The following MAPK4 variants were observed in gnomAD, a reference collection of about 807,000 sequenced individuals.
The protein encoded by MAPK4 is mitogen-activated protein kinase 4.
MAPK4 carries 22 observed loss-of-function variants against 47.7 expected under a neutral mutation model. The observed-to-expected ratio is 0.46, with a 90% CI of 0.33 to 0.66. The LOEUF is 0.66. MAPK4 is among the 30% of genes least tolerant of loss of function. The probability of loss-of-function intolerance (pLI) is 0.02; values close to 1 mark genes in which losing one functional copy is unlikely to be tolerated. For missense variants in MAPK4, 736 were observed against 831.7 expected, an observed-to-expected ratio of 0.88 and a Z score of 1.42; for synonymous variants, 390 against 365.7, an observed-to-expected ratio of 1.07 and a Z score of -0.76.
rs1328906131 is a variant in MAPK4, at chr18:50,678,543, A to G, written c.546+14039A>G. Among the ~76,000 whole-genome samples the G allele has an allele frequency of 3.9e-5, 6 of 152,194 alleles. No homozygotes were observed. In the South Asian group the frequency reaches 1.0e-3, roughly 26 times the overall value. On this transcript the variant is annotated intron_variant, in intron 2 of 5. Coordinates refer to ENST00000400384, the MANE Select transcript of MAPK4 (RefSeq NM_002747.4). This position sits in a 1 kb window ranked among gnomAD's most constrained non-coding sequence, Gnocchi z 4.2. The stretch of plus-strand genomic sequence containing the variant: ...CTGTCTTCCCAGAGGTGTTCACTCA[A>G]GGGTCCACCAGCGACTTCCCTGTTC...
At chr18:50,700,782 G>A (rs1352115394) in intron 2 of MAPK4, among the ~76,000 whole-genome samples, 4 of 152,182 alleles carry the variant, frequency 2.6e-5, no homozygotes, top group Non-Finnish European at 5.9e-5. Context: ...TTCTCTAGGC[G>A]GGAGTTGGGG....
chr18:50,592,602 G>A (rs917237307), intron 1 of MAPK4, among the ~76,000 whole-genome samples: 2 of 152,204 alleles, frequency 1.3e-5, no homozygotes, highest in South Asian at 2.1e-4. Flanking sequence ...ACAGACTGAT[G>A]TAGATTTCCT....
chr18:50,611,317 G>C (rs2042631180), intron 1 of MAPK4, among the ~76,000 whole-genome samples: 1 of 152,114 alleles, frequency 6.6e-6, no homozygotes, highest in Admixed American at 6.5e-5. Context: ...ATCTCTAGAG[G>C]CTCCCAGTGT....
intron 2 of MAPK4, among the ~76,000 whole-genome samples, chr18:50,714,257 T>C (rs1338007468): frequency 6.6e-6 from 1 of 152,206 alleles, no homozygotes; most frequent in Non-Finnish European, 1.5e-5. Context: ...AATGGACATT[T>C]CCCAGATGTC....
intron 2 of MAPK4, among the ~76,000 whole-genome samples, chr18:50,685,506 C>T (rs1908825727): frequency 6.6e-6 from 1 of 152,204 alleles, no homozygotes; most frequent in Admixed American, 6.5e-5. Flanking sequence ...ATTTTCCTGT[C>T]ATCTACAAGA....
chr18:50,560,914 T>A (rs1568026559), intron 1 of MAPK4, among the ~76,000 whole-genome samples: 1 of 152,240 alleles, frequency 6.6e-6, no homozygotes, highest in Non-Finnish European at 1.5e-5. Flanking sequence ...CGGGTTGCTC[T>A]CTATCAGGAA....
chr18:50,615,542 G>A (rs961341270), intron 1 of MAPK4, among the ~76,000 whole-genome samples: 3 of 152,144 alleles, frequency 2.0e-5, no homozygotes, highest in African/African-American at 7.2e-5. Flanking sequence ...ACCTGATCCT[G>A]CAGCTGCGCA....
chr18:50,672,310 G>T (rs1908001557), intron 2 of MAPK4, among the ~76,000 whole-genome samples: 1 of 152,230 alleles, frequency 6.6e-6, no homozygotes, highest in Admixed American at 6.5e-5. Context: ...AGCAGGAAAG[G>T]TCACTTTCTT....
At chr18:50,640,173 A>G (rs1292925469) in intron 1 of MAPK4, among the ~76,000 whole-genome samples, 3 of 152,354 alleles carry the variant, frequency 2.0e-5, no homozygotes, top group South Asian at 4.1e-4. Context: ...CCACACTAGC[A>G]GTAGAAGAGT....
chr18:50,579,960 A>T (rs1302521518), intron 1 of MAPK4, among the ~76,000 whole-genome samples: 2 of 152,222 alleles, frequency 1.3e-5, no homozygotes, highest in Non-Finnish European at 2.9e-5. Flanking sequence ...GGTACTACTC[A>T]CTTCAATTTG....
intron 1 of MAPK4, among the ~76,000 whole-genome samples, chr18:50,647,480 G>C (rs1458305625): frequency 6.6e-6 from 1 of 152,174 alleles, no homozygotes; most frequent in African/African-American, 2.4e-5. Context: ...ACACCCGAGG[G>C]AGGGGCATGC....
At chr18:50,636,231 G>A (rs921984971) in intron 1 of MAPK4, among the ~76,000 whole-genome samples, 4 of 152,148 alleles carry the variant, frequency 2.6e-5, no homozygotes, top group African/African-American at 4.8e-5. Flanking sequence ...ACGTGCTCTC[G>A]CAACGTCAGG....
At chr18:50,630,759 G>A (rs538195570) in intron 1 of MAPK4, among the ~76,000 whole-genome samples, 10 of 152,162 alleles carry the variant, frequency 6.6e-5, no homozygotes, top group Non-Finnish European at 1.5e-4. Flanking sequence ...GTCTGACCAC[G>A]TCTGCCTTTT....
At chr18:50,574,219 G>A (rs1369951837) in intron 1 of MAPK4, among the ~76,000 whole-genome samples, 1 of 151,946 alleles carries the variant, frequency 6.6e-6, no homozygotes, top group Non-Finnish European at 1.5e-5. Context: ...CTCTCTTTTT[G>A]TAGCCTTACT....
intron 1 of MAPK4, among the ~76,000 whole-genome samples, chr18:50,660,435 C>T (rs1255443667): frequency 1.3e-5 from 2 of 152,184 alleles, no homozygotes; most frequent in African/African-American, 4.8e-5. Flanking sequence ...ACCTAGGAAA[C>T]GTGGGCATCA....
intron 1 of MAPK4, among the ~76,000 whole-genome samples, chr18:50,578,345 G>A (rs1568033163): frequency 6.6e-6 from 1 of 152,210 alleles, no homozygotes; most frequent in Admixed American, 6.5e-5. Flanking sequence ...GAATCACCTG[G>A]AACACTTGTT....
At chr18:50,598,388 C>T (rs1364430047) in intron 1 of MAPK4, among the ~76,000 whole-genome samples, 1 of 152,198 alleles carries the variant, frequency 6.6e-6, no homozygotes, top group African/African-American at 2.4e-5. Context: ...TCTGTCTTGT[C>T]CCTGCCTTTT....
At chr18:50,613,372 A>C (rs1005189779) in intron 1 of MAPK4, among the ~76,000 whole-genome samples, 2 of 152,224 alleles carry the variant, frequency 1.3e-5, no homozygotes, top group African/African-American at 4.8e-5. Context: ...GCCAGTAGTC[A>C]GTAAGAAGCT....
chr18:50,592,382 C>T (rs2042443970), intron 1 of MAPK4, among the ~76,000 whole-genome samples: 1 of 152,118 alleles, frequency 6.6e-6, no homozygotes, highest in Admixed American at 6.5e-5. Flanking sequence ...ATTGAGGACA[C>T]AAAAATACTC....
Sources: allele counts gnomAD v4.1 joint callset (sites outside exome capture counted in the v4.1 genomes callset), GRCh38; gene constraint gnomAD v4.1.1; non-coding constraint Gnocchi (gnomAD v3.1); transcripts MANE v1.5; gene names NCBI Gene and HGNC (gene_info 2026-07-23, HGNC 2026-07-21).